Variants in HPD observed in about 807,000 individuals in gnomAD.
HPD encodes 4-hydroxyphenylpyruvic acid oxidase.
Under a neutral mutation model 56.9 loss-of-function variants are expected in HPD, and 35 were observed. The observed-to-expected ratio is 0.62, with a 90% CI of 0.47 to 0.82. The LOEUF (loss-of-function observed/expected upper bound fraction) is 0.82. Among genes scored for constraint, HPD ranks in the 40% least tolerant of loss-of-function variants. HPD has a pLI of 0.00. For synonymous variants in HPD, 186 were observed against 200.2 expected (o/e 0.93, Z 0.60); for missense variants, 442 against 506.8 (o/e 0.87, Z 1.23).
At chr12:121,861,298 T>C (rs1250867061), upstream of HPD, among the ~76,000 whole-genome samples, 1 of 149,978 alleles carries the variant, frequency 6.7e-6, no homozygotes, top group African/African-American at 2.5e-5. Flanking sequence ...ATCATGCCAC[T>C]GCACTCCAGC....
At chr12:121,875,427 CTTT>C in the HPD span, among the ~76,000 whole-genome samples, 7 of 134,716 alleles carry the variant, frequency 5.2e-5, no homozygotes, top group Non-Finnish European at 3.2e-5. Flanking sequence ...TTCTTTCTTT[CTTT>C]TTTTTTTTTT....
Position 121,856,619 on chromosome 12 carries a change from A to G in HPD, c.205T>C (p.Phe69Leu), listed in dbSNP as rs1379693362. Residue 69 changes from phenylalanine (F) to leucine (L), a missense_variant, in exon 5 of 14, where the codon TTT (phenylalanine) becomes CTT (leucine). By Grantham distance (22) the Phe-to-Leu change is conservative. Transcript: ENST00000289004. ...GGGTTGAGCGCTGAGGAGAGGACAA[A>G]CACAATCTAAGATAGGAGGAGAAGG... ...SHVIKQGKIV[F>L]VLSSALNPWN... 1.2e-6 allele frequency: 2 copies of G among 1,614,098 alleles called. No individual in the cohort carries two copies. Among genetic ancestry groups the G allele is most frequent in the Non-Finnish European group, 8.5e-7 (1 of 1,179,986 alleles).
At chr12:121,869,431 A>G in the HPD span, among the ~76,000 whole-genome samples, 4 of 151,690 alleles carry the variant, frequency 2.6e-5, no homozygotes, top group East Asian at 5.8e-4. Context: ...TCCTGGGCTC[A>G]GGGGGTCCTC....
At chr12:121,847,000 G>A (rs767072904) in intron 10 of HPD, 52 bp downstream of exon 10, 17 of 1,612,914 alleles carry the variant, frequency 1.1e-5, no homozygotes, top group Non-Finnish European at 1.4e-5. Context: ...CCCTACAAGA[G>A]CCCCCAGACC....
chr12:121,859,642 C>T (rs1235420789), upstream of HPD, among the ~76,000 whole-genome samples: 1 of 152,232 alleles, frequency 6.6e-6, no homozygotes, highest in Non-Finnish European at 1.5e-5. Flanking sequence ...GAGGTGAACA[C>T]ATGTCTCCCA....
intron 11 of HPD, among the ~76,000 whole-genome samples, chr12:121,844,964 A>G (rs149129758): frequency 0.032 from 4,708 of 148,656 alleles, 280 homozygotes; most frequent in African/African-American, 0.11. Flanking sequence ...TGCACCTGTA[A>G]TCCCAGCTAC....
At chr12:121,856,882 G>C (rs1236863252) in intron 4 of HPD, 5 of 566,390 alleles carry the variant, frequency 8.8e-6, no homozygotes, top group Non-Finnish European at 1.6e-5. Context: ...GGACCCCATC[G>C]GTCAGGGCAC....
upstream of HPD, among the ~76,000 whole-genome samples, chr12:121,859,537 C>G (rs529207327): frequency 1.5e-4 from 23 of 152,286 alleles, no homozygotes; most frequent in East Asian, 4.1e-3. Flanking sequence ...CCGGGCTATT[C>G]TAACTCCAGG....
the HPD span, among the ~76,000 whole-genome samples, chr12:121,886,766 A>G: frequency 6.6e-6 from 1 of 152,172 alleles, no homozygotes; most frequent in Non-Finnish European, 1.5e-5. Flanking sequence ...ATAATTTAAT[A>G]TAAAGTTCAT....
chr12:121,858,932 A>T (rs1878104315), upstream of HPD: 2 of 1,337,270 alleles, frequency 1.5e-6, no homozygotes, highest in Non-Finnish European at 2.1e-6. Context: ...TACCTGGGGG[A>T]TGGGGTGGGG....
In HPD at chr12:121,845,372, A is replaced by G. The variant is rs553313357; in HGVS notation, c.831+1490T>C. On this transcript the variant is annotated intron_variant, in intron 11 of 13. Transcript: ENST00000289004. Reference sequence around the variant, plus strand: ...AGCACTTTGGGAGGCCAAGGTGGGCAGATCACAAGATCAGGAGATCGAGAC... The same window carrying G: ...AGCACTTTGGGAGGCCAAGGTGGGCGGATCACAAGATCAGGAGATCGAGAC... Among the ~76,000 whole-genome samples, 197 of 149,512 alleles carry G rather than the reference A, an allele frequency of 1.3e-3. 1 individual carries two copies. Among genetic ancestry groups the G allele is most frequent in the Non-Finnish European group, 3.1e-4 (21 of 67,966 alleles).
chr12:121,850,355 A>G (rs1446940711), intron 7 of HPD, among the ~76,000 whole-genome samples: 2 of 151,068 alleles, frequency 1.3e-5, no homozygotes, highest in Admixed American at 1.3e-4. Context: ...TGAACCCAGG[A>G]GGCAGAGCTT....
Position 121,845,407 on chromosome 12 carries a change from T to G in HPD, c.831+1455A>C, listed in dbSNP as rs147848941. 7.1e-3 allele frequency among the ~76,000 whole-genome samples: 1,061 copies of G among 149,098 alleles called. 115 individuals are homozygous for G. Among genetic ancestry groups the G allele is most frequent in the African/African-American group, 0.026 (1,016 of 38,786 alleles). On this transcript the variant is annotated intron_variant, in intron 11 of 13. Transcript: ENST00000289004. The stretch of plus-strand genomic sequence containing the variant: ...ATCAGGAGATCGAGACCATCCTGGC[T>G]AACACAGTGAAACCCCGTCTCTACT...
chr12:121,858,677 GC>G lies in HPD; in HGVS notation c.30+9del. ...CAGGCCCCTACATTTCCCACATTTC[GC>G]CTGCTTACCTTTGCCCCTTTGTCAC... On this transcript the variant is annotated intron_variant, in intron 2 of 13. Transcript: ENST00000289004. 1 of 1,613,574 alleles carries G rather than the reference GC, an allele frequency of 6.2e-7. No individual in the cohort carries two copies. The highest frequency in any genetic ancestry group is 8.5e-7 in the Non-Finnish European group (1 of 1,179,640).
At chr12:121,843,197 A>T (rs1877464762) in intron 12 of HPD, among the ~76,000 whole-genome samples, 1 of 152,208 alleles carries the variant, frequency 6.6e-6, no homozygotes. Context: ...CTGGTCACAA[A>T]AGAACAAAAT....
chr12:121,880,826 AATCT>A, the HPD span, among the ~76,000 whole-genome samples: 1 of 151,894 alleles, frequency 6.6e-6, no homozygotes. Context: ...CAAGGGTCTC[AATCT>A]GTCACCCAGG....
At chr12:121,887,180 G>A in the HPD span, among the ~76,000 whole-genome samples, 1 of 151,230 alleles carries the variant, frequency 6.6e-6, no homozygotes, top group Admixed American at 6.6e-5. Flanking sequence ...GATTACAGGT[G>A]TGAATCACCA....
At chr12:121,843,894 G>A in intron 11 of HPD, 62 bp from the exon 12 acceptor site, 5 of 1,606,042 alleles carry the variant, frequency 3.1e-6, no homozygotes, top group Non-Finnish European at 4.3e-6. Flanking sequence ...CTAGCCAGGT[G>A]GAGGTGCTGG....
chr12:121,845,831 G>T (rs1877565581), intron 11 of HPD, among the ~76,000 whole-genome samples: 1 of 152,036 alleles, frequency 6.6e-6, no homozygotes, highest in South Asian at 2.1e-4. Context: ...TGCTCCACAA[G>T]GGCAGAAACT....
Sources: allele counts gnomAD v4.1 joint callset (sites outside exome capture counted in the v4.1 genomes callset), GRCh38; gene constraint gnomAD v4.1.1; transcripts MANE v1.5; gene names NCBI Gene and HGNC (gene_info 2026-07-23, HGNC 2026-07-21).